Variants in SCN8A observed in about 807,000 individuals in gnomAD.
SCN8A encodes the protein sodium channel protein type 8 subunit alpha.
A neutral mutation model predicts 184.1 loss-of-function variants in SCN8A; 30 were observed. The ratio of observed to expected loss-of-function variants is 0.16; its 90% CI spans 0.12 to 0.22. SCN8A has a LOEUF of 0.22. Among genes scored for constraint, SCN8A ranks in the 10% least tolerant of loss-of-function variants. The pLI, the probability that SCN8A is intolerant of heterozygous loss-of-function variation, is 1.00. For missense variants in SCN8A, 1,057 were observed against 2,498.9 expected, an observed-to-expected ratio of 0.42 and a Z score of 12.30; for synonymous variants, 852 against 907.0, an observed-to-expected ratio of 0.94 and a Z score of 1.09.
chr12:51,635,445 A>G (rs1327999719), intron 1 of SCN8A, among the ~76,000 whole-genome samples: 2 of 147,358 alleles, frequency 1.4e-5, no homozygotes, highest in Non-Finnish European at 3.0e-5. Flanking sequence ...TGTCTGACAC[A>G]TAGAAGGCAC....
At chr12:51,790,536 G>C in intron 25 of SCN8A, 34 bp downstream of exon 25, 1 of 1,411,902 alleles carries the variant, frequency 7.1e-7, no homozygotes, top group East Asian at 2.3e-5. Flanking sequence ...GCCTTGGTGA[G>C]AACCCATATA....
At chr12:51,703,888 T>A (rs1941733475) in intron 9 of SCN8A, among the ~76,000 whole-genome samples, 1 of 152,088 alleles carries the variant, frequency 6.6e-6, no homozygotes, top group Non-Finnish European at 1.5e-5. Context: ...ATGAAATATT[T>A]GTGATTGATG....
At chr12:51,656,571 C>A (rs1184649070) in intron 1 of SCN8A, among the ~76,000 whole-genome samples, 1 of 152,034 alleles carries the variant, frequency 6.6e-6, no homozygotes, top group African/African-American at 2.4e-5. Flanking sequence ...ACAAAGAACT[C>A]CTACAAACTA....
intron 2 of SCN8A, among the ~76,000 whole-genome samples, chr12:51,671,301 T>C (rs1941126013): frequency 6.6e-6 from 1 of 152,184 alleles, no homozygotes; most frequent in South Asian, 2.1e-4. Context: ...TAACTCGGGT[T>C]AGATATGGAG....
chr12:51,738,401 G>A (rs7398626), intron 12 of SCN8A, among the ~76,000 whole-genome samples: 122,923 of 152,200 alleles, frequency 0.81, 50,583 homozygotes, highest in East Asian at 0.9. Context: ...ACTATGTTCA[G>A]TTGAGCGGAT....
At chr12:51,653,693 T>G (rs1940764823) in intron 1 of SCN8A, among the ~76,000 whole-genome samples, 1 of 152,226 alleles carries the variant, frequency 6.6e-6, no homozygotes. Flanking sequence ...CTTTTGGAAT[T>G]GCTGGATCTT....
Position 51,784,256 on chromosome 12 carries a change from C to T in SCN8A, c.3943-2286C>T, listed in dbSNP as rs182019665. ...TCAAAGCAAGGAAGAATTATTAGTA[C>T]GTTTAATCAACTCTGGGCTGGGCAT... On this transcript the variant is annotated intron_variant, in intron 21 of 26. Transcript: ENST00000627620. Among the ~76,000 whole-genome samples, 147 of 152,258 alleles carry T rather than the reference C, an allele frequency of 9.7e-4. 1 individual carries two copies. Among genetic ancestry groups the T allele is most frequent in the African/African-American group, 3.4e-3 (141 of 41,540 alleles).
chr12:51,789,307 C>T lies in SCN8A; in HGVS notation c.4308C>T (p.Asp1436=), dbSNP rs1249450237. ...RKPDEQPKYE[D]NIYMYIYFVI... The stretch of plus-strand genomic sequence containing the variant: ...CTGATGAGCAGCCTAAGTATGAGGA[C>T]AATATCTACATGTACATCTATTTTG... The change falls in exon 24 of 27, where the codon GAC becomes GAT. Residue 1436 remains aspartate, a synonymous_variant. Transcript: ENST00000627620. 12 of 1,613,826 alleles carry T rather than the reference C, an allele frequency of 7.4e-6. No individual in the cohort carries two copies. Among genetic ancestry groups the T allele is most frequent in the East Asian group, 2.2e-5 (1 of 44,896 alleles).
At chr12:51,734,575 G>A (rs370808970) in intron 12 of SCN8A, among the ~76,000 whole-genome samples, 3 of 152,198 alleles carry the variant, frequency 2.0e-5, no homozygotes, top group East Asian at 1.9e-4. Flanking sequence ...GTTCCTTGCC[G>A]TCATTCCTGT....
At chr12:51,760,759 T>C (rs920524607) in intron 14 of SCN8A, among the ~76,000 whole-genome samples, 17 of 152,218 alleles carry the variant, frequency 1.1e-4, no homozygotes, top group African/African-American at 4.1e-4. Flanking sequence ...ACTGGATCTC[T>C]TTGTGGAATT....
chr12:51,758,797 G>GTTGTGATA lies in SCN8A; in HGVS notation c.2371-3704_2371-3697dup, dbSNP rs201723996. On this transcript the variant is annotated intron_variant, in intron 14 of 26. Transcript: ENST00000627620. ...CTTTTTCTGTTTCTACATTCAGTCT[G>GTTGTGATA]TTGTGATATGTTATTTTAGCTAAAG... Among the ~76,000 whole-genome samples the GTTGTGATA allele has an allele frequency of 7.0e-3, 1,072 of 152,190 alleles. 11 individuals are homozygous for GTTGTGATA. Among genetic ancestry groups the GTTGTGATA allele is most frequent in the African/African-American group, 0.025 (1,018 of 41,528 alleles).
Position 51,615,744 on chromosome 12 carries a change from G to T in SCN8A, c.-55+24385G>T, listed in dbSNP as rs965252523. Reference sequence around the variant, plus strand: ...AAAAATTATTTTTTGTGGAGACAAGGTCTTACTCTGTCACCCAGGCTGGAG... The same window carrying T: ...AAAAATTATTTTTTGTGGAGACAAGTTCTTACTCTGTCACCCAGGCTGGAG... On this transcript the variant is annotated intron_variant, in intron 1 of 26. Coordinates refer to ENST00000627620, the MANE Select transcript of SCN8A (RefSeq NM_001330260.2). Among the ~76,000 whole-genome samples, 4 of 152,056 alleles carry T rather than the reference G, an allele frequency of 2.6e-5. No homozygotes were observed. The East Asian group carries it at 7.7e-4, about 29-fold the overall frequency.
At chr12:51,717,250 C>T (rs1234403490) in intron 11 of SCN8A, among the ~76,000 whole-genome samples, 1 of 152,246 alleles carries the variant, frequency 6.6e-6, no homozygotes, top group Admixed American at 6.5e-5. Context: ...ATCCCAAGTA[C>T]ATCTTAAGAC....
intron 26 of SCN8A, 23 bp downstream of exon 26, chr12:51,794,664 G>A: frequency 6.2e-7 from 1 of 1,610,194 alleles, no homozygotes; most frequent in Non-Finnish European, 8.5e-7. Context: ...GGGGAAGTAG[G>A]CGAGGGGAAA....
At chr12:51,634,606 T>C (rs1473777635) in intron 1 of SCN8A, among the ~76,000 whole-genome samples, 1 of 150,692 alleles carries the variant, frequency 6.6e-6, no homozygotes, top group Non-Finnish European at 1.5e-5. Context: ...GTTTTCTATA[T>C]TTTTCAAGTT....
chr12:51,788,640 G>T, intron 22 of SCN8A, 55 bp from the exon 23 acceptor site: 2 of 1,442,472 alleles, frequency 1.4e-6, no homozygotes, highest in Non-Finnish European at 1.9e-6. Context: ...CCCCTGCCTA[G>T]ACTCCCATCC....
chr12:51,591,601 C>A (rs573986330), intron 1 of SCN8A, among the ~76,000 whole-genome samples: 140 of 152,308 alleles, frequency 9.2e-4, no homozygotes, highest in African/African-American at 3.2e-3. Context: ...CTGAGGACCA[C>A]CAGTCCCCAC....
chr12:51,682,287 G>A (rs749453677), intron 2 of SCN8A, among the ~76,000 whole-genome samples: 46 of 152,264 alleles, frequency 3.0e-4, no homozygotes, highest in Non-Finnish European at 5.9e-4. Flanking sequence ...TTAGTATAGA[G>A]TTTTCTTATG....
chr12:51,687,057 A>C, intron 4 of SCN8A, 34 bp from the exon 5 acceptor site: 1 of 1,612,258 alleles, frequency 6.2e-7, no homozygotes, highest in Non-Finnish European at 8.5e-7. Context: ...GTTTCTGTCC[A>C]GAAATTACCT....
Sources: allele counts gnomAD v4.1 joint callset (sites outside exome capture counted in the v4.1 genomes callset), GRCh38; gene constraint gnomAD v4.1.1; transcripts MANE v1.5; gene names NCBI Gene and HGNC (gene_info 2026-07-23, HGNC 2026-07-21).